The following DSCAM variants were observed in gnomAD, a reference collection of about 807,000 sequenced individuals.
DSCAM encodes cell adhesion molecule DSCAM.
DSCAM carries 47 observed loss-of-function variants against 217.7 expected under a neutral mutation model. The ratio of observed to expected loss-of-function variants is 0.22; its 90% CI spans 0.17 to 0.28. The LOEUF is 0.28. Among genes scored for constraint, DSCAM ranks in the 10% least tolerant of loss-of-function variants. The pLI is 1.00. For synonymous variants in DSCAM, 1,056 were observed against 1,015.3 expected (o/e 1.04, Z -0.76); for missense variants, 2,080 against 2,618.3 (o/e 0.79, Z 4.49).
chr21:40,152,429 T>G (rs1423794561), intron 16 of DSCAM, among the ~76,000 whole-genome samples: 1 of 152,228 alleles, frequency 6.6e-6, no homozygotes, highest in Non-Finnish European at 1.5e-5. Flanking sequence ...CATTTGCCTT[T>G]GGATTCAGTA....
intron 11 of DSCAM, among the ~76,000 whole-genome samples, chr21:40,236,173 A>T (rs752318035): frequency 3.3e-5 from 5 of 152,228 alleles, no homozygotes; most frequent in Admixed American, 6.5e-5. Context: ...CCTGCATTCT[A>T]GAAACTGCTT....
intron 3 of DSCAM, among the ~76,000 whole-genome samples, chr21:40,450,351 A>G (rs2075708488): frequency 6.6e-6 from 1 of 152,208 alleles, no homozygotes; most frequent in African/African-American, 2.4e-5. Flanking sequence ...TTGAAAATAG[A>G]TCCCACATGT....
At chr21:40,731,736 C>G (rs1008823969) in intron 1 of DSCAM, among the ~76,000 whole-genome samples, 4 of 128,734 alleles carry the variant, frequency 3.1e-5, no homozygotes, top group Admixed American at 7.6e-5. Context: ...GCACCCCCCC[C>G]CCCGCCCCCC....
chr21:40,453,845 TA>T (rs2075741979), intron 3 of DSCAM, among the ~76,000 whole-genome samples: 1 of 152,178 alleles, frequency 6.6e-6, no homozygotes, highest in Admixed American at 6.5e-5. Flanking sequence ...CTAACAAGAC[TA>T]AAAGGAAGTA....
At chr21:40,021,635 C>T (rs1334349326) in intron 32 of DSCAM, among the ~76,000 whole-genome samples, 2 of 152,232 alleles carry the variant, frequency 1.3e-5, no homozygotes, top group African/African-American at 2.4e-5. Context: ...TCTTATTTGA[C>T]ATCATGCTTC....
intron 26 of DSCAM, among the ~76,000 whole-genome samples, chr21:40,076,682 G>C (rs573177308): frequency 1.3e-5 from 2 of 152,284 alleles, no homozygotes; most frequent in African/African-American, 4.8e-5. Context: ...AGAACACTTT[G>C]TGAATTAGAA....
At position 40,510,364 on chromosome 21, in the gene DSCAM, T is replaced by C. The variant is rs115862297; in HGVS notation, c.509-141119A>G. On this transcript the variant is annotated intron_variant, in intron 3 of 32. Transcript: ENST00000400454. The stretch of plus-strand genomic sequence containing the variant: ...GATATGACTGGTTGTTACATTGTAA[T>C]AAGTCCACCTTTTAGGAATTAATAT... Among the ~76,000 whole-genome samples the C allele has an allele frequency of 5.8e-3, 880 of 152,350 alleles. 12 individuals are homozygous for C. The highest frequency in any genetic ancestry group is 0.02 in the African/African-American group (835 of 41,576).
chr21:40,501,873 C>T (rs1253952411), intron 3 of DSCAM, among the ~76,000 whole-genome samples: 1 of 152,168 alleles, frequency 6.6e-6, no homozygotes, highest in African/African-American at 2.4e-5. Context: ...GGATTATAGG[C>T]GTGAGCCACA....
rs567150000 is a variant in DSCAM at position 40,443,485 on chromosome 21, T to C, written c.509-74240A>G. ...AGGATTCCATTCATGGTGGTCTGTG[T>C]TCCCGTCTGTGTTCCTGCTGGGGAA... is the stretch of plus-strand genomic sequence containing the variant. On this transcript the variant is annotated intron_variant, in intron 3 of 32. Transcript: ENST00000400454. Among the ~76,000 whole-genome samples, 6 of 152,336 alleles carry C rather than the reference T, an allele frequency of 3.9e-5. No individual in the cohort carries two copies. The South Asian group carries it at 1.2e-3, about 32-fold the overall frequency.
chr21:40,821,674 T>C (rs1399200076), intron 1 of DSCAM, among the ~76,000 whole-genome samples: 1 of 152,188 alleles, frequency 6.6e-6, no homozygotes, highest in African/African-American at 2.4e-5. Flanking sequence ...TTTTTCTTTA[T>C]CTTGTCTATT....
At chr21:40,267,163 C>G (rs571117178) in intron 11 of DSCAM, among the ~76,000 whole-genome samples, 42 of 149,244 alleles carry the variant, frequency 2.8e-4, no homozygotes, top group African/African-American at 1.0e-3. Flanking sequence ...CACTTGTACC[C>G]CTAAAGCTAT....
At chr21:40,675,313 G>A (rs1421324701) in intron 3 of DSCAM, among the ~76,000 whole-genome samples, 1 of 151,840 alleles carries the variant, frequency 6.6e-6, no homozygotes, top group Non-Finnish European at 1.5e-5. Flanking sequence ...GAGTAGAGAA[G>A]GGAAAAATCA....
chr21:40,368,609 T>A (rs192363984), intron 4 of DSCAM, among the ~76,000 whole-genome samples: 40 of 152,314 alleles, frequency 2.6e-4, no homozygotes, highest in African/African-American at 8.2e-4. Context: ...CTTCACTTCT[T>A]CCCATAAAGC....
chr21:40,281,837 C>CTTTTGTCT (rs934182190), intron 10 of DSCAM, among the ~76,000 whole-genome samples: 2 of 152,070 alleles, frequency 1.3e-5, no homozygotes, highest in Non-Finnish European at 2.9e-5. Context: ...TTCTACTGAG[C>CTTTTGTCT]TTTTGTCTTT....
At chr21:40,329,578 C>A (rs1359391671) in intron 8 of DSCAM, among the ~76,000 whole-genome samples, 2 of 151,208 alleles carry the variant, frequency 1.3e-5, no homozygotes, top group South Asian at 2.1e-4. Context: ...CGCGCCACTG[C>A]ACTCCAGCCT....
chr21:40,625,301 G>A (rs549875423), intron 3 of DSCAM, among the ~76,000 whole-genome samples: 65 of 152,046 alleles, frequency 4.3e-4, no homozygotes, highest in Non-Finnish European at 8.7e-4. Context: ...GGGAATAAGA[G>A]AAAAACATTA....
Position 40,048,085 on chromosome 21 carries a change from C to T in DSCAM, c.5186-3810G>A, listed in dbSNP as rs116965574. 3.6e-3 allele frequency among the ~76,000 whole-genome samples: 555 copies of T among 152,272 alleles called. 13 individuals carry two copies. In the East Asian group the frequency reaches 0.054, roughly 15 times the overall value. ...CATATTCACTACTCCCTGGCTGTGT[C>T]GCTGGCCAAGTGACCTTGTCAGACA... On this transcript the variant is annotated intron_variant, in intron 30 of 32. Coordinates refer to ENST00000400454, the MANE Select transcript of DSCAM (RefSeq NM_001389.5).
At chr21:40,745,850 T>C (rs1303517328) in intron 1 of DSCAM, among the ~76,000 whole-genome samples, 1 of 152,004 alleles carries the variant, frequency 6.6e-6, no homozygotes, top group East Asian at 1.9e-4. Context: ...ATTACAACAA[T>C]TAGTTAAGAG....
intron 11 of DSCAM, among the ~76,000 whole-genome samples, chr21:40,263,294 G>T (rs982347492): frequency 6.6e-6 from 1 of 152,076 alleles, no homozygotes; most frequent in African/African-American, 2.4e-5. Flanking sequence ...ACAAAATCAT[G>T]TTTAGGTTTA....
Sources: gnomAD v4.1 joint callset for allele counts (sites outside exome capture counted in the v4.1 genomes callset) on GRCh38, gnomAD v4.1.1 for gene constraint, MANE v1.5 for transcripts, NCBI Gene and HGNC (gene_info 2026-07-23, HGNC 2026-07-21) for gene names.